Variants in KLHL28 observed in about 807,000 individuals in gnomAD.
The protein encoded by KLHL28 is kelch-like protein 28.
In KLHL28, 22 loss-of-function variants were observed where a neutral mutation model predicts 48.3. That is an observed-to-expected ratio of 0.46 (90% CI 0.33 to 0.65). KLHL28 has a LOEUF of 0.65. KLHL28 is among the 30% of genes least tolerant of loss of function. The pLI is 0.03. For synonymous variants in KLHL28, 243 were observed against 242.4 expected, an observed-to-expected ratio of 1.00 and a Z score of -0.02; for missense variants, 527 against 704.3, an observed-to-expected ratio of 0.75 and a Z score of 2.85.
chr14:44,938,057 C>A (rs185918270), intron 2 of KLHL28, among the ~76,000 whole-genome samples: 31 of 152,270 alleles, frequency 2.0e-4, no homozygotes, highest in African/African-American at 6.3e-4. Context: ...CCTCAAAATT[C>A]GTGTCCTTCT....
intron 2 of KLHL28, among the ~76,000 whole-genome samples, chr14:44,940,726 C>T (rs1884035997): frequency 6.6e-6 from 1 of 152,228 alleles, no homozygotes; most frequent in Admixed American, 6.5e-5. Context: ...TCACAACTTT[C>T]TATCATTGCT....
chr14:44,950,457 AC>A (rs1884531033), intron 1 of KLHL28, among the ~76,000 whole-genome samples: 1 of 152,228 alleles, frequency 6.6e-6, no homozygotes, highest in Non-Finnish European at 1.5e-5. Context: ...ATTTTTGTGT[AC>A]CCAATTCAAA....
At chr14:44,942,007 T>C (rs1331318160) in intron 2 of KLHL28, among the ~76,000 whole-genome samples, 4 of 152,352 alleles carry the variant, frequency 2.6e-5, no homozygotes, top group Admixed American at 1.3e-4. Flanking sequence ...AACTATACTA[T>C]ATGCTGATGA....
At chr14:44,935,905 T>TA (rs1233257500) in intron 2 of KLHL28, among the ~76,000 whole-genome samples, 564 of 122,556 alleles carry the variant, frequency 4.6e-3, no homozygotes, top group Non-Finnish European at 6.7e-3. Flanking sequence ...TATATATATC[T>TA]TTACCCTCCC....
At chr14:44,938,377 CTTTTTT>C (rs530413999) in intron 2 of KLHL28, among the ~76,000 whole-genome samples, 1 of 146,406 alleles carries the variant, frequency 6.8e-6, no homozygotes. Context: ...ACATTGTCTT[CTTTTTT>C]TTTTTTGAGA....
chr14:44,946,354 C>T (rs1418407652), intron 1 of KLHL28, among the ~76,000 whole-genome samples: 1 of 152,166 alleles, frequency 6.6e-6, no homozygotes, highest in Non-Finnish European at 1.5e-5. Flanking sequence ...TGCCAACCAA[C>T]AGATGCTTTA....
chr14:44,939,265 C>G (rs1334943430), intron 2 of KLHL28, among the ~76,000 whole-genome samples: 1 of 152,170 alleles, frequency 6.6e-6, no homozygotes, highest in Admixed American at 6.5e-5. Context: ...TCCTAGTGTT[C>G]TGAGACTACA....
In KLHL28 at chr14:44,926,556, G is replaced by C. The variant is rs1223028454; in HGVS notation, c.*2472C>G. The C allele has an allele frequency of 6.6e-6, 1 of 152,086 alleles. No homozygotes were observed. The highest frequency in any genetic ancestry group is 2.4e-5 in the African/African-American group (1 of 41,260). 9.4% of individuals were successfully genotyped at this position (152,086 alleles called of 1,614,324 possible). A position where few individuals can be genotyped will look rare whatever the true frequency, so the allele number is the denominator to read the frequency against. ...AGTTTCACTCTTGTTGCCCAGGCTG[G>C]AGTGCAATGGTGCAAGCTCGGCTCA... On this transcript the variant is annotated 3_prime_UTR_variant, in exon 5 of 5. Transcript: ENST00000396128.
chr14:44,952,969 A>G lies in KLHL28; in HGVS notation c.1-7041T>C, dbSNP rs1187465800. Among the ~76,000 whole-genome samples, 3 of 151,990 alleles carry G rather than the reference A, an allele frequency of 2.0e-5. No homozygotes were observed. In the East Asian group the frequency reaches 5.8e-4, roughly 29 times the overall value. Reference sequence around the variant, plus strand: ...AAGCATTAATTTTAGAGTCGGACAGATTTGGATTTAAGTCTACATTTTGCT... The same window carrying G: ...AAGCATTAATTTTAGAGTCGGACAGGTTTGGATTTAAGTCTACATTTTGCT... On this transcript the variant is annotated intron_variant, in intron 1 of 4. Coordinates refer to ENST00000396128, the MANE Select transcript of KLHL28 (RefSeq NM_017658.5).
At chr14:44,940,689 G>A (rs935078278) in intron 2 of KLHL28, among the ~76,000 whole-genome samples, 3 of 152,060 alleles carry the variant, frequency 2.0e-5, no homozygotes, top group African/African-American at 7.2e-5. Flanking sequence ...ATTGTCTTGA[G>A]GCATAAAGAG....
intron 1 of KLHL28, among the ~76,000 whole-genome samples, chr14:44,953,447 G>A (rs372467308): frequency 2.0e-5 from 3 of 152,244 alleles, no homozygotes; most frequent in African/African-American, 7.2e-5. Context: ...GAGTCCTTAT[G>A]AACGGATTGA....
rs10136741 is a variant in KLHL28, at chr14:44,948,303, A to G, written c.1-2375T>C. Among the ~76,000 whole-genome samples the G allele has an allele frequency of 4.3e-3, 653 of 152,276 alleles. 4 individuals carry two copies. The highest frequency in any genetic ancestry group is 7.7e-3 in the Non-Finnish European group (524 of 67,984). On this transcript the variant is annotated intron_variant, in intron 1 of 4. Coordinates refer to ENST00000396128, the MANE Select transcript of KLHL28 (RefSeq NM_017658.5). ...CAAATCAGACAATGTACATAAAAAC[A>G]TGATAAACTGTAAGTGATATTGTAC...
chr14:44,961,012 T>A (rs1351992458), intron 1 of KLHL28: 18 of 742,678 alleles, frequency 2.4e-5, no homozygotes, highest in East Asian at 5.5e-5. Context: ...AAAAAAAAAA[T>A]ATCTCTTCCA....
At chr14:44,953,161 G>C (rs1884658277) in intron 1 of KLHL28, among the ~76,000 whole-genome samples, 1 of 152,126 alleles carries the variant, frequency 6.6e-6, no homozygotes, top group Admixed American at 6.5e-5. Context: ...TAGATATGCA[G>C]GTTTAGTATA....
At chr14:44,930,318 C>G (rs1227986659) in intron 4 of KLHL28, among the ~76,000 whole-genome samples, 1 of 151,998 alleles carries the variant, frequency 6.6e-6, no homozygotes, top group African/African-American at 2.4e-5. Context: ...GAGATGGAGT[C>G]TTGCTCTGTC....
intron 3 of KLHL28, 61 bp downstream of exon 3, chr14:44,934,054 A>C: frequency 7.5e-7 from 1 of 1,336,364 alleles, no homozygotes; most frequent in Non-Finnish European, 1.0e-6. Context: ...CTCAGAAATC[A>C]TTGCTAATGA....
intron 1 of KLHL28, among the ~76,000 whole-genome samples, chr14:44,947,953 A>G (rs942018814): frequency 2.0e-5 from 3 of 152,154 alleles, no homozygotes; most frequent in African/African-American, 7.2e-5. Flanking sequence ...TTTCCAGAAC[A>G]TAATATATAC....
At chr14:44,960,912 T>C in intron 1 of KLHL28, 1 of 1,542,852 alleles carries the variant, frequency 6.5e-7, no homozygotes, top group Non-Finnish European at 8.8e-7. Flanking sequence ...GTAGGAATAC[T>C]TGCATTTGAA....
rs994350323 is a variant in KLHL28, at chr14:44,931,342, G to A, written c.1543C>T (p.Pro515Ser). 9.3e-6 allele frequency: 15 copies of A among 1,608,710 alleles called. No individual in the cohort carries two copies. The highest frequency in any genetic ancestry group is 4.0e-5 in the African/African-American group (3 of 74,624). ...AATAAATTCTTATTACCTGTTCTAG[G>A]TTCTTTCATTGGTCTACACACAGTC... ...QWTVCRPMKE[P>S]RTGVGAAVID... Residue 515 changes from proline to serine, a missense_variant, in exon 4 of 5, where the codon CCT becomes TCT. Physicochemically the swap from Pro to Ser is moderately conservative, Grantham distance 74. Transcript: ENST00000396128.
Sources: gnomAD v4.1 joint callset for allele counts (sites outside exome capture counted in the v4.1 genomes callset) on GRCh38, gnomAD v4.1.1 for gene constraint, MANE v1.5 for transcripts, NCBI Gene and HGNC (gene_info 2026-07-23, HGNC 2026-07-21) for gene names.